The following AJAP1 variants were observed in gnomAD, a reference collection of about 807,000 sequenced individuals.
AJAP1 encodes the protein adherens junctions associated protein 1.
Under a neutral mutation model 35.0 loss-of-function variants are expected in AJAP1, and 5 were observed. The ratio of observed to expected loss-of-function variants is 0.14; its 90% CI spans 0.07 to 0.30. AJAP1 has a LOEUF of 0.30. AJAP1 is among the 10% of genes least tolerant of loss of function. AJAP1 has a pLI of 1.00. For missense variants in AJAP1, 586 were observed against 571.0 expected, an observed-to-expected ratio of 1.03 and a Z score of -0.27; for synonymous variants, 284 against 249.3, an observed-to-expected ratio of 1.14 and a Z score of -1.31.
At chr1:4,755,408 G>T (rs1219865606) in intron 2 of AJAP1, among the ~76,000 whole-genome samples, 1 of 151,868 alleles carries the variant, frequency 6.6e-6, no homozygotes, top group Non-Finnish European at 1.5e-5. Context: ...ATGAAACAAG[G>T]GGATAACCGT....
intron 2 of AJAP1, among the ~76,000 whole-genome samples, chr1:4,725,490 C>A (rs1570160320): frequency 6.6e-6 from 1 of 152,250 alleles, no homozygotes; most frequent in East Asian, 1.9e-4. Context: ...AATAGGTAGA[C>A]TCCCTGTTCA....
intron 1 of AJAP1, among the ~76,000 whole-genome samples, chr1:4,709,272 G>T (rs1375949121): frequency 6.6e-6 from 1 of 151,470 alleles, no homozygotes; most frequent in Non-Finnish European, 1.5e-5. Context: ...ATGGGGGCCG[G>T]TGGGGCCTGG....
At chr1:4,677,907 A>G (rs974728121) in intron 1 of AJAP1, among the ~76,000 whole-genome samples, 2 of 152,250 alleles carry the variant, frequency 1.3e-5, no homozygotes, top group Non-Finnish European at 2.9e-5. Flanking sequence ...TTCGTAAAAC[A>G]TATAAATATC....
At position 4,734,313 on chromosome 1, in the gene AJAP1, G is replaced by T. The variant is rs866837412; in HGVS notation, c.829+21614G>T. Among the ~76,000 whole-genome samples the T allele has an allele frequency of 6.6e-6, 1 of 152,174 alleles. No individual in the cohort carries two copies. Among genetic ancestry groups the T allele is most frequent in the South Asian group, 2.1e-4 (1 of 4,832 alleles). ...GCGCTGCGTCCATACTGGGAGCCAGGTTCTGACAGCTGACTTGAATTAAAT... is the reference window on the plus strand; with the variant it reads ...GCGCTGCGTCCATACTGGGAGCCAGTTTCTGACAGCTGACTTGAATTAAAT... On this transcript the variant is annotated intron_variant, in intron 2 of 5. Coordinates refer to ENST00000378191, the MANE Select transcript of AJAP1 (RefSeq NM_018836.4). This position sits in a 1 kb window ranked among gnomAD's most constrained non-coding sequence, Gnocchi z 4.3.
intron 2 of AJAP1, among the ~76,000 whole-genome samples, chr1:4,728,811 C>T (rs1180509582): frequency 6.6e-6 from 1 of 152,220 alleles, no homozygotes; most frequent in Non-Finnish European, 1.5e-5. Flanking sequence ...TCCCTCCACC[C>T]TGGGCCTGGG....
In AJAP1 at chr1:4,787,476, A is replaced by C. The variant is rs1178384638; in HGVS notation, c.*4991A>C. The C allele has an allele frequency of 2.0e-5, 6 of 300,206 alleles. No individual in the cohort carries two copies. Among genetic ancestry groups the C allele is most frequent in the Non-Finnish European group, 4.0e-5 (6 of 150,640 alleles). 18.6% of individuals were successfully genotyped at this position (300,206 alleles called of 1,614,324 possible). ...GGTTGGTCTGGTGTTGGATGGAGGA[A>C]GAAGGCCTTAGTCTTAGCTCTTGGA... is the stretch of plus-strand genomic sequence containing the variant. On this transcript the variant is annotated 3_prime_UTR_variant, in exon 6 of 6. Transcript: ENST00000378191.
intron 2 of AJAP1, among the ~76,000 whole-genome samples, chr1:4,756,749 G>C (rs1262092958): frequency 6.6e-6 from 1 of 152,218 alleles, no homozygotes; most frequent in Non-Finnish European, 1.5e-5. Flanking sequence ...GCTTTCTGGA[G>C]GCCTCTCAAA....
At position 4,734,042 on chromosome 1, in the gene AJAP1, A is replaced by T. The variant is rs1190315816; in HGVS notation, c.829+21343A>T. 6.6e-6 allele frequency among the ~76,000 whole-genome samples: 1 copy of T among 152,212 alleles called. No homozygotes were observed. The highest frequency in any genetic ancestry group is 1.9e-4 in the East Asian group (1 of 5,184). On this transcript the variant is annotated intron_variant, in intron 2 of 5. Coordinates refer to ENST00000378191, the MANE Select transcript of AJAP1 (RefSeq NM_018836.4). This position sits in a 1 kb window ranked among gnomAD's most constrained non-coding sequence, Gnocchi z 4.3. Reference sequence around the variant, plus strand: ...CTCCAATTAGCGGCTTTTGTAAGCGATCACGTACCGAGTATTGACTTGGCT... The same window carrying T: ...CTCCAATTAGCGGCTTTTGTAAGCGTTCACGTACCGAGTATTGACTTGGCT...
chr1:4,724,483 G>T (rs1395155062), intron 2 of AJAP1, among the ~76,000 whole-genome samples: 2 of 152,116 alleles, frequency 1.3e-5, no homozygotes, highest in Non-Finnish European at 2.9e-5. Flanking sequence ...CCATCGACTG[G>T]CATTTACCAT....
At chr1:4,680,896 C>T (rs954518879) in intron 1 of AJAP1, among the ~76,000 whole-genome samples, 16 of 152,090 alleles carry the variant, frequency 1.1e-4, no homozygotes, top group African/African-American at 2.7e-4. Flanking sequence ...TATTTCTGTG[C>T]GGGATTACAT....
chr1:4,660,233 C>T (rs531594700), intron 1 of AJAP1, among the ~76,000 whole-genome samples: 4 of 152,300 alleles, frequency 2.6e-5, no homozygotes, highest in African/African-American at 9.6e-5. Flanking sequence ...GCATGCCGGC[C>T]CTGCATCAAA....
chr1:4,718,914 C>G (rs1235257260), intron 2 of AJAP1, among the ~76,000 whole-genome samples: 1 of 152,204 alleles, frequency 6.6e-6, no homozygotes, highest in African/African-American at 2.4e-5. Context: ...TGAACACTCT[C>G]CTCTACCTGG....
At chr1:4,738,628 G>C (rs1570176215) in intron 2 of AJAP1, among the ~76,000 whole-genome samples, 1 of 152,198 alleles carries the variant, frequency 6.6e-6, no homozygotes. Context: ...CAGCACCGCG[G>C]GGGTGTGCAG....
intron 1 of AJAP1, among the ~76,000 whole-genome samples, chr1:4,685,434 C>T (rs1389323916): frequency 6.6e-6 from 1 of 152,248 alleles, no homozygotes; most frequent in African/African-American, 2.4e-5. Flanking sequence ...TCCCATGTCA[C>T]TACCTTCCTG....
chr1:4,775,104 A>G (rs1383736248), intron 5 of AJAP1, among the ~76,000 whole-genome samples: 1 of 152,234 alleles, frequency 6.6e-6, no homozygotes, highest in Non-Finnish European at 1.5e-5. Context: ...ACTAATTTGA[A>G]GCCAGGAACC....
chr1:4,709,772 G>A (rs1385324066), intron 1 of AJAP1, among the ~76,000 whole-genome samples: 1 of 152,204 alleles, frequency 6.6e-6, no homozygotes, highest in African/African-American at 2.4e-5. Context: ...ACCGTGCTGA[G>A]GATTAGCATA....
At chr1:4,736,785 A>G (rs577195779) in intron 2 of AJAP1, among the ~76,000 whole-genome samples, 94 of 152,352 alleles carry the variant, frequency 6.2e-4, no homozygotes, top group Middle Eastern at 3.4e-3. Context: ...ATCCCAGTGT[A>G]TCTGTGGAGA....
intron 2 of AJAP1, among the ~76,000 whole-genome samples, chr1:4,750,290 G>C (rs917943398): frequency 2.6e-5 from 4 of 152,244 alleles, no homozygotes; most frequent in Admixed American, 1.3e-4. Context: ...ATGCACCTAA[G>C]GGGATGTGGA....
chr1:4,681,404 G>A (rs1639480375), intron 1 of AJAP1, among the ~76,000 whole-genome samples: 1 of 152,228 alleles, frequency 6.6e-6, no homozygotes, highest in Non-Finnish European at 1.5e-5. Flanking sequence ...GGGGCTGCCA[G>A]CCACACCCAC....
Sources: gnomAD v4.1 joint callset for allele counts (sites outside exome capture counted in the v4.1 genomes callset) on GRCh38, gnomAD v4.1.1 for gene constraint, Gnocchi (gnomAD v3.1) non-coding constraint, MANE v1.5 for transcripts, NCBI Gene and HGNC (gene_info 2026-07-23, HGNC 2026-07-21) for gene names.